Variants in IL16 observed in about 807,000 individuals in gnomAD.
The protein encoded by IL16 is pro-interleukin-16.
Under a neutral mutation model 110.1 loss-of-function variants are expected in IL16, and 67 were observed. The ratio of observed to expected loss-of-function variants is 0.61; its 90% CI spans 0.50 to 0.75. The LOEUF (loss-of-function observed/expected upper bound fraction) is 0.75, where lower values mean the gene tolerates loss of function less well. Among genes scored for constraint, IL16 ranks in the 30% least tolerant of loss-of-function variants. The pLI is 0.00. For missense variants in IL16, 1,545 were observed against 1,655.0 expected (o/e 0.93, Z 1.15); for synonymous variants, 689 against 662.9 (o/e 1.04, Z -0.61).
rs114807499 is a variant in IL16, at chr15:81,213,898, G to A, written c.-101-11401G>A. On this transcript the variant is annotated intron_variant, in intron 1 of 18. Coordinates refer to ENST00000683961, the MANE Select transcript of IL16 (RefSeq NM_172217.5). ...ATTTACAAGGTTAGTATTGATATGCGTGATTTTGATCCTGTCCTCATGTTT... is the reference window on the plus strand; with the variant it reads ...ATTTACAAGGTTAGTATTGATATGCATGATTTTGATCCTGTCCTCATGTTT... Among the ~76,000 whole-genome samples, 1,215 of 152,190 alleles carry A rather than the reference G, an allele frequency of 8.0e-3. 15 individuals are homozygous for A. Among genetic ancestry groups the A allele is most frequent in the African/African-American group, 0.028 (1,168 of 41,500 alleles).
In IL16 at chr15:81,299,377, T is replaced by C. The variant is rs374827178; in HGVS notation, c.2054-3T>C. 1.5e-4 allele frequency: 239 copies of C among 1,611,614 alleles called. No homozygotes were observed. The highest frequency in any genetic ancestry group is 1.6e-4 in the Non-Finnish European group (194 of 1,180,008). On this transcript the variant is annotated splice_region_variant and splice_polypyrimidine_tract_variant and intron_variant, in intron 13 of 18. Transcript: ENST00000683961. ...CAGCTTTGGCCTTGTTTCTGCACTGTAGTGACCCAAACATCCCCGATAAAA... is the reference window on the plus strand; with the variant it reads ...CAGCTTTGGCCTTGTTTCTGCACTGCAGTGACCCAAACATCCCCGATAAAA...
intron 17 of IL16, 81 bp from the exon 18 acceptor site, chr15:81,306,339 C>G: frequency 6.3e-7 from 1 of 1,581,440 alleles, no homozygotes; most frequent in Non-Finnish European, 8.6e-7. Flanking sequence ...GGCTGTATCA[C>G]CCCGGGCTCA....
chr15:81,267,539 T>C (rs1898446724), intron 4 of IL16, among the ~76,000 whole-genome samples: 1 of 148,780 alleles, frequency 6.7e-6, no homozygotes, highest in East Asian at 2.0e-4. Flanking sequence ...AATGAATTGG[T>C]TGGTTTATGG....
intron 1 of IL16, among the ~76,000 whole-genome samples, chr15:81,200,911 G>A (rs1329945337): frequency 6.6e-6 from 1 of 152,160 alleles, no homozygotes; most frequent in Non-Finnish European, 1.5e-5. Context: ...TCGAGCAATG[G>A]TGAGGGTTGG....
chr15:81,247,419 C>A (rs1266189537), intron 2 of IL16, among the ~76,000 whole-genome samples: 1 of 152,122 alleles, frequency 6.6e-6, no homozygotes, highest in Non-Finnish European at 1.5e-5. Context: ...TTCTTTGACC[C>A]ATGAGTTATT....
intron 2 of IL16, among the ~76,000 whole-genome samples, chr15:81,257,465 G>A (rs1249900604): frequency 6.6e-6 from 1 of 152,156 alleles, no homozygotes; most frequent in African/African-American, 2.4e-5. Context: ...ACACATTCTG[G>A]AACTCATGAG....
intron 12 of IL16, chr15:81,295,348 C>A (rs1248533249): frequency 5.1e-6 from 6 of 1,169,818 alleles, no homozygotes; most frequent in Non-Finnish European, 6.5e-6. Flanking sequence ...ATTCTGAAGT[C>A]TCCCATGAAG....
chr15:81,270,573 G>A (rs1268537320), intron 5 of IL16, among the ~76,000 whole-genome samples: 1 of 152,178 alleles, frequency 6.6e-6, no homozygotes, highest in Non-Finnish European at 1.5e-5. Context: ...GATCACAAGG[G>A]AGTAACTGTC....
At chr15:81,233,457 T>TTC (rs912384849) in intron 2 of IL16, among the ~76,000 whole-genome samples, 367 of 128,274 alleles carry the variant, frequency 2.9e-3, no homozygotes, top group African/African-American at 0.012. Context: ...TGTCTTCTCT[T>TTC]TCTGTGTGTG....
intron 3 of IL16, 30 bp downstream of exon 3, chr15:81,259,910 A>G (rs373578186): frequency 1.5e-6 from 2 of 1,370,174 alleles, no homozygotes; most frequent in Non-Finnish European, 1.0e-6. Context: ...GTCTTCAGGA[A>G]CAGAGCTCAG....
At chr15:81,237,697 A>G (rs1177404151) in intron 2 of IL16, among the ~76,000 whole-genome samples, 1 of 152,018 alleles carries the variant, frequency 6.6e-6, no homozygotes, top group Admixed American at 6.6e-5. Context: ...ATACTTTATT[A>G]TACCTGTTTG....
At chr15:81,244,646 T>C (rs891209908) in intron 2 of IL16, among the ~76,000 whole-genome samples, 3 of 152,160 alleles carry the variant, frequency 2.0e-5, no homozygotes, top group Non-Finnish European at 2.9e-5. Flanking sequence ...AGTTAAATTA[T>C]AATGGGCTTT....
At chr15:81,269,152 G>T (rs956067574) in intron 4 of IL16, among the ~76,000 whole-genome samples, 1 of 152,238 alleles carries the variant, frequency 6.6e-6, no homozygotes, top group Non-Finnish European at 1.5e-5. Flanking sequence ...CTCAGTAAAT[G>T]TGTCTTGGAT....
chr15:81,288,266 GCTTA>G (rs1182240707), intron 10 of IL16, among the ~76,000 whole-genome samples: 1 of 143,974 alleles, frequency 6.9e-6, no homozygotes. Context: ...TCTGCTGCTT[GCTTA>G]TGGTTAATTT....
chr15:81,268,019 C>T (rs1237593402), intron 4 of IL16, among the ~76,000 whole-genome samples: 1 of 152,228 alleles, frequency 6.6e-6, no homozygotes. Flanking sequence ...GATGTCCATG[C>T]GTGATTTCAC....
chr15:81,278,945 C>T, intron 7 of IL16, 55 bp downstream of exon 7: 1 of 1,190,474 alleles, frequency 8.4e-7, no homozygotes, highest in Non-Finnish European at 1.3e-6. Flanking sequence ...GGCAAAGAAA[C>T]CAAGCTCTCA....
chr15:81,224,226 T>G (rs932655910), intron 1 of IL16, among the ~76,000 whole-genome samples: 2 of 152,228 alleles, frequency 1.3e-5, no homozygotes, highest in African/African-American at 4.8e-5. Context: ...GAAATGTTAT[T>G]AGGTCTCTGC....
chr15:81,272,066 A>G (rs1898666297), intron 5 of IL16, among the ~76,000 whole-genome samples: 1 of 152,260 alleles, frequency 6.6e-6, no homozygotes, highest in African/African-American at 2.4e-5. Context: ...CCTGGCCTCC[A>G]GGTGCATTTA....
intron 5 of IL16, 99 bp downstream of exon 5, chr15:81,269,747 T>A: frequency 1.2e-6 from 1 of 805,898 alleles, no homozygotes; most frequent in Middle Eastern, 3.6e-4. Context: ...ACTACTGGGG[T>A]GTCCTGGCGC....
Sources: gnomAD v4.1 joint callset for allele counts (sites outside exome capture counted in the v4.1 genomes callset) on GRCh38, gnomAD v4.1.1 for gene constraint, MANE v1.5 for transcripts, NCBI Gene and HGNC (gene_info 2026-07-23, HGNC 2026-07-21) for gene names.